Variants in LYPD6B observed in about 807,000 individuals in gnomAD.
The protein encoded by LYPD6B is LY6/PLAUR domain containing 6B, also known as ly6/PLAUR domain-containing protein 6B.
Under a neutral mutation model 22.8 loss-of-function variants are expected in LYPD6B, and 17 were observed. That is an observed-to-expected ratio of 0.75 (90% CI 0.51 to 1.12). The LOEUF (loss-of-function observed/expected upper bound fraction) is 1.12, where lower values mean the gene tolerates loss of function less well. LYPD6B is among the 50% of genes most tolerant of loss of function. LYPD6B has a pLI of 0.00. For missense variants in LYPD6B, 221 were observed against 258.3 expected (o/e 0.86, Z 0.99); for synonymous variants, 106 against 91.6 (o/e 1.16, Z -0.90).
intron 1 of LYPD6B, among the ~76,000 whole-genome samples, chr2:149,067,473 C>A (rs1038834179): frequency 5.3e-5 from 8 of 151,742 alleles, no homozygotes; most frequent in African/African-American, 1.9e-4. Context: ...AAGTAAAAAG[C>A]AATTTACCCC....
chr2:149,130,590 T>A (rs1000257744), intron 1 of LYPD6B, among the ~76,000 whole-genome samples: 1 of 152,204 alleles, frequency 6.6e-6, no homozygotes, highest in East Asian at 1.9e-4. Flanking sequence ...AGTGATTTTC[T>A]GTGACTGGGG....
chr2:149,162,756 A>G (rs535879385), intron 3 of LYPD6B, among the ~76,000 whole-genome samples: 1 of 152,180 alleles, frequency 6.6e-6, no homozygotes, highest in Non-Finnish European at 1.5e-5. Flanking sequence ...TACTTTTTTC[A>G]CATAGTCTCT....
intron 1 of LYPD6B, among the ~76,000 whole-genome samples, chr2:149,103,800 G>A (rs541419268): frequency 3.3e-4 from 32 of 97,708 alleles, no homozygotes; most frequent in Admixed American, 1.0e-3. Flanking sequence ...TTTTTGAGAC[G>A]GAATCTTTCT....
intron 1 of LYPD6B, among the ~76,000 whole-genome samples, chr2:149,046,815 T>C (rs2105267038): frequency 6.6e-6 from 1 of 152,338 alleles, no homozygotes; most frequent in East Asian, 1.9e-4. Flanking sequence ...GCTATTGTTA[T>C]TATCATTTTT....
Position 149,214,951 on chromosome 2 carries a change from GA to G in LYPD6B, c.*242del. 5.6e-6 allele frequency: 3 copies of G among 537,916 alleles called. No individual in the cohort carries two copies. The East Asian group carries it at 9.3e-5, about 17-fold the overall frequency. The allele number at this position is 537,916 out of a possible 1,614,324, so 33.3% of individuals were successfully genotyped here. On this transcript the variant is annotated 3_prime_UTR_variant, in exon 7 of 7. Transcript: ENST00000409642. ...GACTTCCAGGCTTCCTGGTCAAAGA[GA>G]GCTACGTTTGGGCAGTTCTGCAGAG...
chr2:149,204,968 T>C, intron 3 of LYPD6B: 1 of 300,086 alleles, frequency 3.3e-6, no homozygotes, highest in Non-Finnish European at 6.1e-6. Context: ...GGGAATGGGG[T>C]GCAGCCAGGC....
intron 1 of LYPD6B, among the ~76,000 whole-genome samples, chr2:149,064,627 CACA>C (rs1558976362): frequency 6.6e-6 from 1 of 152,162 alleles, no homozygotes; most frequent in Non-Finnish European, 1.5e-5. Flanking sequence ...TTTGAGGTCA[CACA>C]ACAAGTTAAC....
At chr2:149,150,002 T>A (rs1689269626) in intron 2 of LYPD6B, among the ~76,000 whole-genome samples, 1 of 152,232 alleles carries the variant, frequency 6.6e-6, no homozygotes, top group African/African-American at 2.4e-5. Context: ...TTTTGTTATA[T>A]CAAAAGGCTC....
Position 149,048,651 on chromosome 2 carries a change from C to T in LYPD6B, c.-67+9850C>T, listed in dbSNP as rs1182614450. 2.6e-5 allele frequency among the ~76,000 whole-genome samples: 4 copies of T among 152,202 alleles called. 1 individual carries two copies. The highest frequency in any genetic ancestry group is 5.9e-5 in the Non-Finnish European group (4 of 68,034). ...GTTTGTTCTCCTTTGCCTCAGTTTT[C>T]TCATGGATTTGAGAAGGTTATGATC... On this transcript the variant is annotated intron_variant, in intron 1 of 6. Coordinates refer to ENST00000409642, the MANE Select transcript of LYPD6B (RefSeq NM_177964.5).
intron 1 of LYPD6B, among the ~76,000 whole-genome samples, chr2:149,079,855 G>A (rs1685044992): frequency 6.6e-6 from 1 of 152,090 alleles, no homozygotes; most frequent in South Asian, 2.1e-4. Context: ...CGGAAAAGGG[G>A]ATTTTGTCAT....
At chr2:149,175,061 C>CTCTCTCTCTCTCTGTGTGTGTGTG (rs1454802925) in intron 3 of LYPD6B, among the ~76,000 whole-genome samples, 3 of 113,000 alleles carry the variant, frequency 2.7e-5, no homozygotes, top group South Asian at 3.7e-4. Context: ...CTCTCTCTCT[C>CTCTCTCTCTCTCTGTGTGTGTGTG]TGTGTGTGTG....
chr2:149,139,014 C>T (rs749325735), intron 2 of LYPD6B, among the ~76,000 whole-genome samples: 3 of 152,184 alleles, frequency 2.0e-5, no homozygotes, highest in Non-Finnish European at 4.4e-5. Context: ...AGTTCAGAAC[C>T]AAATGTAAAT....
At chr2:149,069,960 G>C (rs1036787193) in intron 1 of LYPD6B, among the ~76,000 whole-genome samples, 1 of 151,330 alleles carries the variant, frequency 6.6e-6, no homozygotes, top group African/African-American at 2.4e-5. Flanking sequence ...GTGTACGTGT[G>C]TGTGTATGTG....
Position 149,168,211 on chromosome 2 carries a change from C to CAAA in LYPD6B, c.77+7398_77+7400dup, listed in dbSNP as rs386391472. Reference sequence around the variant, plus strand: ...TGGGCAACAGAGTGAGGCTCTGTCTCAAAAAAAAAAAAAAAAAAAAAAAAG... The same window carrying CAAA: ...TGGGCAACAGAGTGAGGCTCTGTCTCAAAAAAAAAAAAAAAAAAAAAAAAAAAG... On this transcript the variant is annotated intron_variant, in intron 3 of 6. Transcript: ENST00000409642. Among the ~76,000 whole-genome samples, 217 of 48,380 alleles carry CAAA rather than the reference C, an allele frequency of 4.5e-3. 6 individuals are homozygous for CAAA. The highest frequency in any genetic ancestry group is 6.5e-3 in the East Asian group (11 of 1,692). The allele number at this position is 48,380 out of a possible 152,430, so 31.7% of individuals were successfully genotyped here. A position where few individuals can be genotyped will look rare whatever the true frequency, so the allele number is the denominator to read the frequency against.
intron 2 of LYPD6B, among the ~76,000 whole-genome samples, chr2:149,142,483 A>G (rs1359245144): frequency 6.6e-6 from 1 of 152,192 alleles, no homozygotes; most frequent in Non-Finnish European, 1.5e-5. Context: ...TACGAGTGAA[A>G]GAAGTGTTGA....
chr2:149,158,584 T>A (rs1320347426), intron 2 of LYPD6B, among the ~76,000 whole-genome samples: 2 of 152,164 alleles, frequency 1.3e-5, no homozygotes, highest in African/African-American at 4.8e-5. Flanking sequence ...AAAAAAGTTA[T>A]GGGAATGGAT....
At chr2:149,169,256 A>T (rs1173655600) in intron 3 of LYPD6B, among the ~76,000 whole-genome samples, 3 of 152,096 alleles carry the variant, frequency 2.0e-5, no homozygotes, top group African/African-American at 7.2e-5. Context: ...TCTCTTGGAC[A>T]TGTCTCTTCC....
chr2:149,073,871 G>C (rs1403492047), intron 1 of LYPD6B, among the ~76,000 whole-genome samples: 1 of 151,904 alleles, frequency 6.6e-6, no homozygotes, highest in Non-Finnish European at 1.5e-5. Context: ...GGAGAGGACA[G>C]CAACCTCGGG....
intron 1 of LYPD6B, among the ~76,000 whole-genome samples, chr2:149,051,175 A>AT (rs1558968551): frequency 6.6e-6 from 1 of 151,070 alleles, no homozygotes. Context: ...TATTATTATT[A>AT]TTTTTTTTGA....
Sources: gnomAD v4.1 joint callset for allele counts (sites outside exome capture counted in the v4.1 genomes callset) on GRCh38, gnomAD v4.1.1 for gene constraint, MANE v1.5 for transcripts, NCBI Gene and HGNC (gene_info 2026-07-23, HGNC 2026-07-21) for gene names.